The following ABCA2 variants were observed in gnomAD, a reference collection of about 807,000 sequenced individuals.
The protein encoded by ABCA2 is ATP binding cassette subfamily A member 2.
ABCA2 carries 84 observed loss-of-function variants against 262.8 expected under a neutral mutation model. The ratio of observed to expected loss-of-function variants is 0.32; its 90% CI spans 0.27 to 0.38. The LOEUF is 0.38. Among genes scored for constraint, ABCA2 ranks in the 10% least tolerant of loss-of-function variants. The pLI, the probability that ABCA2 is intolerant of heterozygous loss-of-function variation, is 1.00. For synonymous variants in ABCA2, 1,696 were observed against 1,502.9 expected, an observed-to-expected ratio of 1.13 and a Z score of -2.97; for missense variants, 2,662 against 3,405.9, an observed-to-expected ratio of 0.78 and a Z score of 5.44.
chr9:137,019,000 C>T lies in ABCA2; in HGVS notation c.1625G>A (p.Arg542Lys). The T allele has an allele frequency of 1.2e-6, 2 of 1,612,880 alleles. No individual in the cohort carries two copies. Among genetic ancestry groups the T allele is most frequent in the African/African-American group, 1.3e-5 (1 of 74,918 alleles). The change falls in exon 12 of 49, where the codon AGA (arginine) becomes AAA (lysine). Residue 542 changes from arginine (R) to lysine (K), a missense_variant. Arg to Lys is a conservative substitution (Grantham distance 26). Transcript: ENST00000341511. ...ACTGGGCAGCGAGAAGTTGTCCTGT[C>T]TCAGGGCCGGCGGCAGCTCATCCAG... ...LSLDELPPAL[R>K]QDNFSLPSGM...
intron 40 of ABCA2, 29 bp from the exon 41 acceptor site, chr9:137,010,400 G>A: frequency 6.4e-7 from 1 of 1,551,408 alleles, no homozygotes; most frequent in Non-Finnish European, 8.7e-7. Context: ...ACTCAGCGGG[G>A]CATCCTGCCC....
rs1367046588 is a variant in ABCA2, at chr9:137,008,714, G to A, written c.7068+17C>T. 3.8e-6 allele frequency: 6 copies of A among 1,571,080 alleles called. No individual in the cohort carries two copies. Among genetic ancestry groups the A allele is most frequent in the Non-Finnish European group, 3.5e-6 (4 of 1,159,198 alleles). On this transcript the variant is annotated intron_variant, in intron 47 of 48. Transcript: ENST00000341511. ...GGGAGGGGCAGGTGTGGTGCGCAGT[G>A]CCCTTGGGGCGCTCACATTGTCCAG...
chr9:137,021,999 G>C lies in ABCA2; in HGVS notation c.570C>G (p.Val190=), dbSNP rs1831469813. The change falls in exon 7 of 49, where the codon GTC becomes GTG. Residue 190 remains valine, a splice_region_variant and synonymous_variant. Coordinates refer to ENST00000341511, the MANE Select transcript of ABCA2 (RefSeq NM_001606.5). This position sits in a 1 kb window ranked among gnomAD's most constrained non-coding sequence, Gnocchi z 6.0. ...LLAARVDPPE[V]YHLLFGPSSA... is the part of the protein sequence containing the mutation. ...ATGAGGGACCAAAGAGCAGGTGGTA[G>C]ACCTAGGAGGTGTGGGGGAATGGCT... 1 of 1,590,690 alleles carries C rather than the reference G, an allele frequency of 6.3e-7. No homozygotes were observed. Among genetic ancestry groups the C allele is most frequent in the African/African-American group, 1.4e-5 (1 of 73,750 alleles).
In ABCA2 at chr9:137,019,663, C is replaced by T. The variant is rs1831385734; in HGVS notation, c.1426-357G>A. On this transcript the variant is annotated intron_variant, in intron 10 of 48. Transcript: ENST00000341511. This position sits in a 1 kb window ranked among gnomAD's most constrained non-coding sequence, Gnocchi z 4.4. ...TCTCAAACTCCTGAGCTCAAGCGAT[C>T]CTCCCACCATGGCTTCCCAAAGTGC... The T allele has an allele frequency of 4.3e-6, 1 of 234,148 alleles. No homozygotes were observed. The highest frequency in any genetic ancestry group is 2.3e-5 in the African/African-American group (1 of 42,930). 14.5% of individuals were successfully genotyped at this position (234,148 alleles called of 1,614,324 possible). A position where few individuals can be genotyped will look rare whatever the true frequency, so the allele number is the denominator to read the frequency against.
Position 137,019,637 on chromosome 9 carries a change from G to C in ABCA2, c.1426-331C>G, listed in dbSNP as rs372190846. On this transcript the variant is annotated intron_variant, in intron 10 of 48. Transcript: ENST00000341511. The surrounding 1 kb of genome is among the most constrained non-coding windows in gnomAD (Gnocchi z 4.4). ...GGCTTCCGCTATGTTGCTCGGGCTT[G>C]TCTCAAACTCCTGAGCTCAAGCGAT... 5 of 269,728 alleles carry C rather than the reference G, an allele frequency of 1.9e-5. No homozygotes were observed. The highest frequency in any genetic ancestry group is 2.2e-4 in the East Asian group (2 of 9,232). The allele number at this position is 269,728 out of a possible 1,614,324, so 16.7% of individuals were successfully genotyped here.
rs774502181 is a variant in ABCA2 at position 137,012,916 on chromosome 9, G to A, written c.4877C>T (p.Thr1626Met). 9 of 1,519,974 alleles carry A rather than the reference G, an allele frequency of 5.9e-6. No individual in the cohort carries two copies. Among genetic ancestry groups the A allele is most frequent in the South Asian group, 3.7e-5 (3 of 80,196 alleles). The allele number at this position is 1,519,974 out of a possible 1,614,324, so 94.2% of individuals were successfully genotyped here. ...CAGGCGCGGCAGGGAGGGTGCCGACGTCCACATTTCTGTGGGCACAGCATG... is the reference window on the plus strand; with the variant it reads ...CAGGCGCGGCAGGGAGGGTGCCGACATCCACATTTCTGTGGGCACAGCATG... ...LPPTAGPEMW[T>M]SAPSLPRLVR... Residue 1626 changes from threonine (T) to methionine (M), a missense_variant, in exon 31 of 49, where the codon ACG becomes ATG. Around this residue, in one of 12 missense-constraint regions of ABCA2, gnomAD observed 192 missense variants for 207.2 expected, o/e 0.93. Coordinates refer to ENST00000341511, the MANE Select transcript of ABCA2 (RefSeq NM_001606.5).
intron 13 of ABCA2, 96 bp from the exon 14 acceptor site, chr9:137,018,447 G>A (rs1331745187): frequency 1.1e-6 from 1 of 870,184 alleles, no homozygotes; most frequent in Non-Finnish European, 1.6e-6. Context: ...CCAAGGTGTG[G>A]GGGCGGGGAC....
chr9:137,011,644 G>A lies in ABCA2; in HGVS notation c.5641C>T (p.Leu1881=), dbSNP rs1001244521. Residue 1881 remains leucine (L), a synonymous_variant, in exon 36 of 49, where the codon CTG becomes TTG. Transcript: ENST00000341511. This position sits in a 1 kb window ranked among gnomAD's most constrained non-coding sequence, Gnocchi z 8.8. ...TCCGCTTCCGCTTACCCATAGAGCA[G>A]GAAGAGGGAGAGGACGGCAGGGAAG... ...TNFPAVLSLF[L]LYGWSITPIM... 1.9e-6 allele frequency: 3 copies of A among 1,553,492 alleles called. No homozygotes were observed. Among genetic ancestry groups the A allele is most frequent in the Non-Finnish European group, 2.6e-6 (3 of 1,148,938 alleles).
At chr9:137,013,410 C>G (rs375985100) in intron 29 of ABCA2, 51 bp downstream of exon 29, 3 of 1,555,494 alleles carry the variant, frequency 1.9e-6, no homozygotes, top group South Asian at 2.3e-5. Context: ...AGGCTGTCCC[C>G]GCCCCTTCAC....
At chr9:137,027,240 T>C (rs1372959467) in intron 1 of ABCA2, among the ~76,000 whole-genome samples, 1 of 152,188 alleles carries the variant, frequency 6.6e-6, no homozygotes, top group Non-Finnish European at 1.5e-5. Flanking sequence ...GCTGGCCAGC[T>C]GGGGGTATGG....
chr9:137,024,626 C>G (rs1208050907), intron 1 of ABCA2, among the ~76,000 whole-genome samples: 1 of 152,196 alleles, frequency 6.6e-6, no homozygotes, highest in East Asian at 1.9e-4. Flanking sequence ...GCCCCGCCTA[C>G]ACTTCCCACA....
Position 137,008,542 on chromosome 9 carries a change from A to AGGGGACTGCAGTGCGGAT in ABCA2, c.7131_7148dup (p.Ser2378_Pro2383dup). 1 of 1,604,360 alleles carries AGGGGACTGCAGTGCGGAT rather than the reference A, an allele frequency of 6.2e-7. No homozygotes were observed. Among genetic ancestry groups the AGGGGACTGCAGTGCGGAT allele is most frequent in the South Asian group, 1.1e-5 (1 of 89,288 alleles). On this transcript the variant is annotated inframe_insertion, in exon 48 of 49. Coordinates refer to ENST00000341511, the MANE Select transcript of ABCA2 (RefSeq NM_001606.5). ...GGAGCAGGCTGAGCAAGCAGCCGAG[A>AGGGGACTGCAGTGCGGAT]GGGGACTGCAGTGCGGATGGCGGCT...
At position 137,019,043 on chromosome 9, in the gene ABCA2, C is replaced by T. The variant is rs779447109; in HGVS notation, c.1582G>A (p.Glu528Lys). 25 of 1,611,790 alleles carry T rather than the reference C, an allele frequency of 1.6e-5. No homozygotes were observed. The highest frequency in any genetic ancestry group is 3.3e-5 in the South Asian group (3 of 91,064). The change falls in exon 12 of 49, where the codon GAG becomes AAG. Residue 528 changes from glutamate (E) to lysine (K), a missense_variant. Glu to Lys is a moderately conservative substitution (Grantham distance 56, BLOSUM62 1). This residue lies in a region of ABCA2 where 187 missense variants were observed against 205.9 expected (regional missense o/e 0.91). Transcript: ENST00000341511. This position sits in a 1 kb window ranked among gnomAD's most constrained non-coding sequence, Gnocchi z 4.4. The stretch of plus-strand genomic sequence containing the variant: ...TCATCCAGTGACAGGTTCAGTGCCT[C>T]GGGGTGCAGCCGCAGCTCTGCTACA... Reference protein sequence around the residue: ...QYVAELRLHPEALNLSLDELP... With the variant: ...QYVAELRLHPKALNLSLDELP...
Position 137,007,758 on chromosome 9 carries a change from G to C in ABCA2, c.*171C>G. On this transcript the variant is annotated 3_prime_UTR_variant, in exon 49 of 49. Transcript: ENST00000341511. ...CACAATTAGGGGCGGCAACCGCAGTGACCACAGGGCATGGCCGAGTACAGG... is the reference window on the plus strand; with the variant it reads ...CACAATTAGGGGCGGCAACCGCAGTCACCACAGGGCATGGCCGAGTACAGG... The C allele has an allele frequency of 1.1e-6, 1 of 894,604 alleles. No individual in the cohort carries two copies. The allele number at this position is 894,604 out of a possible 1,614,324, so 55.4% of individuals were successfully genotyped here. A position where few individuals can be genotyped will look rare whatever the true frequency, so the allele number is the denominator to read the frequency against.
chr9:137,020,615 A>G, intron 9 of ABCA2, 79 bp downstream of exon 9: 1 of 1,564,264 alleles, frequency 6.4e-7, no homozygotes, highest in Non-Finnish European at 8.6e-7. Context: ...TGAGACCTCC[A>G]GAGCCAGAGC....
At position 137,014,227 on chromosome 9, in the gene ABCA2, T is replaced by C. The variant is rs537366227; in HGVS notation, c.4181A>G (p.Tyr1394Cys). Residue 1394 changes from tyrosine to cysteine, a missense_variant, in exon 27 of 49, where the codon TAT (tyrosine) becomes TGT (cysteine). Physicochemically the swap from Tyr to Cys is radical, Grantham distance 194. This residue lies in a region of ABCA2 where 297 missense variants were observed against 286.5 expected (regional missense o/e 1.04). Transcript: ENST00000341511. ...GDEGAGYTDV[Y>C]GDYRPLFDNP... ...ATCAAAGAGGGGGCGGTAGTCGCCA[T>C]AGACGTCGGTGTAGCCAGCTCCCTC... The C allele has an allele frequency of 1.2e-4, 200 of 1,610,158 alleles. 1 individual carries two copies. Among genetic ancestry groups the C allele is most frequent in the Admixed American group, 2.5e-4 (15 of 59,728 alleles).
At position 137,012,079 on chromosome 9, in the gene ABCA2, C is replaced by G. The variant is rs915357808; in HGVS notation, c.5360+23G>C. 6 of 1,612,524 alleles carry G rather than the reference C, an allele frequency of 3.7e-6. No homozygotes were observed. In the African/African-American group the frequency reaches 8.0e-5, roughly 22 times the overall value. Reference sequence around the variant, plus strand: ...GCTGCAGTGCCCACCTGCCCCACCTCATCCCCCACTGGCCACACTTACAGG... The same window carrying G: ...GCTGCAGTGCCCACCTGCCCCACCTGATCCCCCACTGGCCACACTTACAGG... On this transcript the variant is annotated intron_variant, in intron 34 of 48. Transcript: ENST00000341511.
At position 137,016,524 on chromosome 9, in the gene ABCA2, G is replaced by A. The variant is rs772476080; in HGVS notation, c.2923+50C>T. Reference sequence around the variant, plus strand: ...TGGGGGCGGCGCCAAGGCCACCCAGGACTCTGAACCCAGCGCCCACCCCAG... The same window carrying A: ...TGGGGGCGGCGCCAAGGCCACCCAGAACTCTGAACCCAGCGCCCACCCCAG... On this transcript the variant is annotated intron_variant, in intron 20 of 48. Transcript: ENST00000341511. 5 of 1,612,336 alleles carry A rather than the reference G, an allele frequency of 3.1e-6. No individual in the cohort carries two copies. The South Asian group carries it at 5.5e-5, about 18-fold the overall frequency.
At chr9:137,024,441 G>A (rs543454515) in intron 1 of ABCA2, among the ~76,000 whole-genome samples, 5 of 152,304 alleles carry the variant, frequency 3.3e-5, no homozygotes, top group Admixed American at 6.5e-5. Flanking sequence ...AGCAAATCAG[G>A]TTTCCCGTCC....
Sources: gnomAD v4.1 joint callset for allele counts (sites outside exome capture counted in the v4.1 genomes callset) on GRCh38, gnomAD v4.1.1 for gene constraint, gnomAD v4.1.1 regional missense constraint, Gnocchi (gnomAD v3.1) non-coding constraint, MANE v1.5 for transcripts, NCBI Gene and HGNC (gene_info 2026-07-23, HGNC 2026-07-21) for gene names.